The following SYT2 variants were observed in gnomAD, a reference collection of about 807,000 sequenced individuals.
SYT2 encodes synaptotagmin 2.
A neutral mutation model predicts 39.9 loss-of-function variants in SYT2; 15 were observed. The ratio of observed to expected loss-of-function variants is 0.38; its 90% CI spans 0.25 to 0.58. SYT2 has a LOEUF of 0.58. Among genes scored for constraint, SYT2 ranks in the 20% least tolerant of loss-of-function variants. The probability of loss-of-function intolerance (pLI) is 0.70; values close to 1 mark genes in which losing one functional copy is unlikely to be tolerated. For missense variants in SYT2, 389 were observed against 530.3 expected (o/e 0.73, Z 2.62); for synonymous variants, 181 against 204.5 (o/e 0.89, Z 0.98).
In SYT2 at chr1:202,596,813, A is replaced by C. The variant is rs1690314153; in HGVS notation, c.1204T>G (p.Trp402Gly). Residue 402 changes from tryptophan to glycine, a missense_variant, in exon 9 of 9, where the codon TGG (tryptophan) becomes GGG (glycine). Coordinates refer to ENST00000367268, the MANE Select transcript of SYT2 (RefSeq NM_177402.5). Reference sequence around the variant, plus strand: ...TCCTCCTCAGGCTTGAGCGAGTGCCACTGGGCGATGGGCCTCCGGGGGTTG... The same window carrying C: ...TCCTCCTCAGGCTTGAGCGAGTGCCCCTGGGCGATGGGCCTCCGGGGGTTG... ...LANPRRPIAQWHSLKPEEEVD... is the reference protein window; with the variant it reads ...LANPRRPIAQGHSLKPEEEVD... The C allele has an allele frequency of 6.2e-7, 1 of 1,614,134 alleles. No individual in the cohort carries two copies. The highest frequency in any genetic ancestry group is 8.5e-7 in the Non-Finnish European group (1 of 1,180,008).
chr1:202,665,343 C>T (rs985855673), intron 1 of SYT2, among the ~76,000 whole-genome samples: 2 of 152,120 alleles, frequency 1.3e-5, no homozygotes, highest in Admixed American at 1.3e-4. Context: ...TTTCTGATTC[C>T]CTTTCAGTGA....
intron 1 of SYT2, among the ~76,000 whole-genome samples, chr1:202,616,385 A>G (rs1422904677): frequency 6.6e-6 from 1 of 151,876 alleles, no homozygotes; most frequent in African/African-American, 2.4e-5. Flanking sequence ...CCCTTCCCTC[A>G]GCTGAGGCTG....
chr1:202,636,199 C>G (rs184939301), intron 1 of SYT2, among the ~76,000 whole-genome samples: 2 of 152,246 alleles, frequency 1.3e-5, no homozygotes, highest in Non-Finnish European at 2.9e-5. Context: ...TTAGGAGATA[C>G]AAAACCACCA....
At position 202,693,260 on chromosome 1, in the gene SYT2, T is replaced by C. The variant is rs148084036; in HGVS notation, c.-18+16998A>G. Among the ~76,000 whole-genome samples the C allele has an allele frequency of 1.6e-3, 247 of 152,290 alleles. 2 individuals carry two copies. The highest frequency in any genetic ancestry group is 5.0e-3 in the Admixed American group (77 of 15,304). On this transcript the variant is annotated intron_variant, in intron 1 of 8. Transcript: ENST00000367268. ...TACGGAGGATTCAGGGGCAAATTGATGACACAATCCAAGAGGCCATTTAAG... is the reference window on the plus strand; with the variant it reads ...TACGGAGGATTCAGGGGCAAATTGACGACACAATCCAAGAGGCCATTTAAG...
At chr1:202,631,462 G>A (rs1218406538) in intron 1 of SYT2, among the ~76,000 whole-genome samples, 1 of 152,110 alleles carries the variant, frequency 6.6e-6, no homozygotes, top group East Asian at 1.9e-4. Context: ...TTTTTTTCTA[G>A]CAGCTTCTTG....
rs1690991642 is a variant in SYT2 at position 202,614,913 on chromosome 1, A to G, written c.-17-9124T>C. Among the ~76,000 whole-genome samples the G allele has an allele frequency of 6.6e-6, 1 of 152,182 alleles. No homozygotes were observed. Among genetic ancestry groups the G allele is most frequent in the Non-Finnish European group, 1.5e-5 (1 of 68,020 alleles). On this transcript the variant is annotated intron_variant, in intron 1 of 8. Transcript: ENST00000367268. The surrounding 1 kb of genome is among the most constrained non-coding windows in gnomAD (Gnocchi z 4.0). ...CGCGTCAAGGAGTTTTGTCTTTCCC[A>G]AAGAGGAATGAGAAGCTGTGGGAGG...
In SYT2 at chr1:202,601,557, G is replaced by A. The variant is rs181630980; in HGVS notation, c.801+333C>T. Among the ~76,000 whole-genome samples the A allele has an allele frequency of 2.6e-4, 39 of 152,364 alleles. No individual in the cohort carries two copies. The highest frequency in any genetic ancestry group is 7.7e-4 in the African/African-American group (32 of 41,592). On this transcript the variant is annotated intron_variant, in intron 6 of 8. Coordinates refer to ENST00000367268, the MANE Select transcript of SYT2 (RefSeq NM_177402.5). The surrounding 1 kb of genome is among the most constrained non-coding windows in gnomAD (Gnocchi z 4.0). ...TGTGGGTGAACTGAGGCACAGAGGC[G>A]TGAATCACTGGCCTTAGGTAATAGC...
Position 202,600,487 on chromosome 1 carries a change from AG to A in SYT2, c.802-14del. On this transcript the variant is annotated splice_polypyrimidine_tract_variant and intron_variant, in intron 6 of 8. Coordinates refer to ENST00000367268, the MANE Select transcript of SYT2 (RefSeq NM_177402.5). ...CCAGCTTCTCCGGCTGTCCAGGGGA[AG>A]AGCAGGACTTGGGTCATCTCACCCA... 1.2e-6 allele frequency: 2 copies of A among 1,613,642 alleles called. No homozygotes were observed. The highest frequency in any genetic ancestry group is 1.7e-6 in the Non-Finnish European group (2 of 1,179,578).
At chr1:202,662,875 A>C (rs1692409704) in intron 1 of SYT2, among the ~76,000 whole-genome samples, 1 of 152,214 alleles carries the variant, frequency 6.6e-6, no homozygotes, top group African/African-American at 2.4e-5. Flanking sequence ...TAGATTTGCA[A>C]AGTCCCAGGC....
chr1:202,600,424 G>A lies in SYT2; in HGVS notation c.852C>T (p.Ala284=), dbSNP rs943335288. 6.8e-6 allele frequency: 11 copies of A among 1,614,084 alleles called. No homozygotes were observed. In the African/African-American group the frequency reaches 8.0e-5, roughly 12 times the overall value. ...ICTSLRYVPT[A]GKLTVCILEA... is the part of the protein sequence containing the mutation. ...CCAGGATGCAGACAGTGAGCTTCCC[G>A]GCCGTGGGCACATAGCGCAGGGAGG... Residue 284 remains alanine, a synonymous_variant, in exon 7 of 9, where the codon GCC becomes GCT. Transcript: ENST00000367268.
chr1:202,666,757 G>T (rs932902371), intron 1 of SYT2, among the ~76,000 whole-genome samples: 2 of 152,148 alleles, frequency 1.3e-5, no homozygotes, highest in Non-Finnish European at 1.5e-5. Context: ...CAAGATGGGC[G>T]GATCACCTGA....
At chr1:202,612,930 T>C (rs539069893) in intron 1 of SYT2, among the ~76,000 whole-genome samples, 41 of 152,292 alleles carry the variant, frequency 2.7e-4, no homozygotes, top group African/African-American at 9.9e-4. Context: ...AGGTATCTTA[T>C]TCTTTTTGAT....
At chr1:202,634,301 C>T (rs1432471487) in intron 1 of SYT2, among the ~76,000 whole-genome samples, 1 of 152,038 alleles carries the variant, frequency 6.6e-6, no homozygotes, top group Non-Finnish European at 1.5e-5. Context: ...GTGGATCACC[C>T]GATGTCAGGA....
intron 1 of SYT2, among the ~76,000 whole-genome samples, chr1:202,678,723 A>G (rs1653448197): frequency 6.6e-6 from 1 of 151,728 alleles, no homozygotes; most frequent in Admixed American, 6.6e-5. Flanking sequence ...ACTTCCTTCT[A>G]CCTTCAACTC....
intron 1 of SYT2, among the ~76,000 whole-genome samples, chr1:202,689,044 G>C (rs1653750344): frequency 6.6e-6 from 1 of 152,128 alleles, no homozygotes; most frequent in East Asian, 1.9e-4. Flanking sequence ...CAACCCCCTT[G>C]TGGAGCCCGC....
chr1:202,629,879 G>GT lies in SYT2; in HGVS notation c.-17-24091_-17-24090insA, dbSNP rs1364811014. The stretch of plus-strand genomic sequence containing the variant: ...AGCAGGCAGCTGGTGGGGGGGGGGG[G>GT]GTGGTACGGCAGGTGTGTTGCTCAG... On this transcript the variant is annotated intron_variant, in intron 1 of 8. Coordinates refer to ENST00000367268, the MANE Select transcript of SYT2 (RefSeq NM_177402.5). 1.0e-4 allele frequency among the ~76,000 whole-genome samples: 10 copies of GT among 97,362 alleles called. 1 individual carries two copies. Among genetic ancestry groups the GT allele is most frequent in the African/African-American group, 5.1e-4 (10 of 19,504 alleles). The allele number at this position is 97,362 out of a possible 152,430, so 63.9% of individuals were successfully genotyped here.
chr1:202,676,409 C>T (rs1653375578), intron 1 of SYT2, among the ~76,000 whole-genome samples: 1 of 152,226 alleles, frequency 6.6e-6, no homozygotes, highest in South Asian at 2.1e-4. Context: ...AACCTTCTCC[C>T]CATCCATGGG....
intron 1 of SYT2, among the ~76,000 whole-genome samples, chr1:202,658,659 C>T (rs1423803998): frequency 4.8e-5 from 6 of 123,966 alleles, no homozygotes; most frequent in African/African-American, 1.5e-4. Flanking sequence ...ATGCAGTGGT[C>T]GGATTTTTTT....
rs151190371 is a variant in SYT2 at position 202,662,343 on chromosome 1, C to A, written c.-18+47915G>T. ...AGACGCAGAGATTACACTAATTGATCCCCCTGCCTGGGGCAGAGCCCCATA... is the reference window on the plus strand; with the variant it reads ...AGACGCAGAGATTACACTAATTGATACCCCTGCCTGGGGCAGAGCCCCATA... On this transcript the variant is annotated intron_variant, in intron 1 of 8. Coordinates refer to ENST00000367268, the MANE Select transcript of SYT2 (RefSeq NM_177402.5). 1.7e-3 allele frequency among the ~76,000 whole-genome samples: 266 copies of A among 152,358 alleles called. 2 individuals are homozygous for A. Among genetic ancestry groups the A allele is most frequent in the African/African-American group, 4.3e-3 (180 of 41,584 alleles).
Sources: gnomAD v4.1 joint callset for allele counts (sites outside exome capture counted in the v4.1 genomes callset) on GRCh38, gnomAD v4.1.1 for gene constraint, Gnocchi (gnomAD v3.1) non-coding constraint, MANE v1.5 for transcripts, NCBI Gene and HGNC (gene_info 2026-07-23, HGNC 2026-07-21) for gene names.